GPR176: variants seen among roughly 807,000 people sequenced by gnomAD.
GPR176 encodes G protein-coupled receptor 176, also known as G-protein coupled receptor 176.
GPR176 carries 26 observed loss-of-function variants against 35.4 expected under a neutral mutation model. The observed-to-expected ratio is 0.74, with a 90% CI of 0.54 to 1.02. The LOEUF (loss-of-function observed/expected upper bound fraction) is 1.02. Among genes scored for constraint, GPR176 ranks in the 50% least tolerant of loss-of-function variants. GPR176 has a pLI of 0.00. For synonymous variants in GPR176, 278 were observed against 271.3 expected (o/e 1.02, Z -0.24); for missense variants, 597 against 665.3 (o/e 0.90, Z 1.13).
At chr15:39,824,122 C>T (rs1455415620) in intron 1 of GPR176, among the ~76,000 whole-genome samples, 1 of 152,166 alleles carries the variant, frequency 6.6e-6, no homozygotes, top group African/African-American at 2.4e-5. Flanking sequence ...AAGAGCCTGG[C>T]ACTTCCTTCT....
intron 1 of GPR176, among the ~76,000 whole-genome samples, chr15:39,811,921 A>C (rs1027855120): frequency 4.6e-5 from 7 of 152,122 alleles, no homozygotes; most frequent in African/African-American, 1.2e-4. Context: ...GTCTCAAAAA[A>C]AAAAAAAAAA....
At chr15:39,829,285 A>G (rs1459040473) in intron 1 of GPR176, 7 of 1,416,770 alleles carry the variant, frequency 4.9e-6, no homozygotes, top group Non-Finnish European at 5.5e-6. Flanking sequence ...TGGATCAGGG[A>G]AAGAACTTGG....
intron 1 of GPR176, chr15:39,813,206 A>G (rs949196805): frequency 4.6e-5 from 7 of 152,238 alleles, no homozygotes; most frequent in Non-Finnish European, 5.9e-5. Context: ...AATTAAAAAT[A>G]AGAAAAAATC....
intron 1 of GPR176, chr15:39,894,530 A>G (rs2033031415): frequency 1.2e-5 from 2 of 171,816 alleles, no homozygotes; most frequent in South Asian, 1.1e-4. Flanking sequence ...GATGCTCCTC[A>G]CCTCCCAGAC....
chr15:39,896,018 A>C (rs1015093050), intron 1 of GPR176, among the ~76,000 whole-genome samples: 27 of 152,212 alleles, frequency 1.8e-4, no homozygotes, highest in African/African-American at 6.0e-4. Flanking sequence ...TTGTAATTAA[A>C]GGAGATTCAT....
chr15:39,875,038 A>G (rs1460468790), intron 1 of GPR176, among the ~76,000 whole-genome samples: 1 of 152,312 alleles, frequency 6.6e-6, no homozygotes, highest in East Asian at 1.9e-4. Flanking sequence ...GCGAAACTCC[A>G]TCTCAAAAAC....
intron 1 of GPR176, among the ~76,000 whole-genome samples, chr15:39,834,062 T>C (rs1438985007): frequency 6.6e-6 from 1 of 152,202 alleles, no homozygotes; most frequent in African/African-American, 2.4e-5. Context: ...TCTCCGCAGA[T>C]ATTATAAGTG....
chr15:39,912,982 A>G (rs2033618693), intron 1 of GPR176, among the ~76,000 whole-genome samples: 1 of 152,232 alleles, frequency 6.6e-6, no homozygotes, highest in South Asian at 2.1e-4. Context: ...CTGAAAACAC[A>G]TGTCCACATA....
chr15:39,801,081 CTGGTGGGAA>C lies in GPR176; in HGVS notation c.*42_*50del. ...CACATGGCCACAGCATTCCCACACT[CTGGTGGGAA>C]TATGGAAGCTCCCCGTTGCTTCCAA... On this transcript the variant is annotated 3_prime_UTR_variant, in exon 3 of 3. Coordinates refer to ENST00000561100, the MANE Select transcript of GPR176 (RefSeq NM_007223.3). The C allele has an allele frequency of 6.9e-7, 1 of 1,458,078 alleles. No individual in the cohort carries two copies. Among genetic ancestry groups the C allele is most frequent in the Admixed American group, 2.0e-5 (1 of 51,064 alleles). 90.3% of individuals were successfully genotyped at this position (1,458,078 alleles called of 1,614,324 possible).
intron 1 of GPR176, among the ~76,000 whole-genome samples, chr15:39,894,216 A>T (rs2033003993): frequency 8.0e-6 from 1 of 125,658 alleles, no homozygotes. Flanking sequence ...GGCCGGGCAG[A>T]GGCGCCCCTC....
intron 1 of GPR176, among the ~76,000 whole-genome samples, chr15:39,842,500 G>A (rs936056575): frequency 1.3e-5 from 2 of 152,090 alleles, no homozygotes; most frequent in African/African-American, 4.8e-5. Context: ...AACCCAGTGT[G>A]AAGGTATTTG....
chr15:39,840,236 T>C (rs1901657054), intron 1 of GPR176, among the ~76,000 whole-genome samples: 1 of 152,172 alleles, frequency 6.6e-6, no homozygotes, highest in African/African-American at 2.4e-5. Flanking sequence ...CCAACCCAAA[T>C]GTCCATCAAT....
chr15:39,904,701 A>T (rs1239558516), intron 1 of GPR176, among the ~76,000 whole-genome samples: 1 of 152,204 alleles, frequency 6.6e-6, no homozygotes, highest in Non-Finnish European at 1.5e-5. Context: ...CTCAAAGAAG[A>T]GGCTACAGTG....
intron 1 of GPR176, among the ~76,000 whole-genome samples, chr15:39,885,312 T>A (rs2032633556): frequency 6.6e-6 from 1 of 152,170 alleles, no homozygotes; most frequent in South Asian, 2.1e-4. Flanking sequence ...CAATTCCACA[T>A]AAGAAATATA....
In GPR176 at chr15:39,883,223, T is replaced by C. The variant is rs866450264; in HGVS notation, c.172+36632A>G. Among the ~76,000 whole-genome samples, 9 of 152,170 alleles carry C rather than the reference T, an allele frequency of 5.9e-5. No individual in the cohort carries two copies. The South Asian group carries it at 1.5e-3, about 25-fold the overall frequency. ...TGCTATTCTTGACAGACTCTAATTA[T>C]AACGAAGTATTTTCTATTTTGGTAA... On this transcript the variant is annotated intron_variant, in intron 1 of 2. Coordinates refer to ENST00000561100, the MANE Select transcript of GPR176 (RefSeq NM_007223.3).
chr15:39,804,846 C>T (rs890740382), intron 2 of GPR176, among the ~76,000 whole-genome samples: 2 of 152,138 alleles, frequency 1.3e-5, no homozygotes, highest in African/African-American at 4.8e-5. Context: ...CAAAAGAACA[C>T]ACACTGTATG....
intron 1 of GPR176, among the ~76,000 whole-genome samples, chr15:39,840,057 C>T (rs1166731): frequency 0.38 from 57,282 of 151,988 alleles, 11,487 homozygotes; most frequent in African/African-American, 0.46. Flanking sequence ...GTTCAACCAT[C>T]GTGGAAGACA....
At chr15:39,911,821 C>T (rs997516003) in intron 1 of GPR176, among the ~76,000 whole-genome samples, 2 of 152,190 alleles carry the variant, frequency 1.3e-5, no homozygotes, top group African/African-American at 4.8e-5. Flanking sequence ...TAGAATCAAA[C>T]TTAAAAGATC....
chr15:39,807,146 C>T lies in GPR176; in HGVS notation c.285G>A (p.Val95=), dbSNP rs765119542. 2.5e-6 allele frequency: 4 copies of T among 1,613,882 alleles called. No homozygotes were observed. Among genetic ancestry groups the T allele is most frequent in the South Asian group, 2.2e-5 (2 of 91,074 alleles). Residue 95 remains valine (V), a synonymous_variant, in exon 2 of 3, where the codon GTG becomes GTA. Transcript: ENST00000561100. ...TGGTGCTGAGGATGATGTCGAAGGG[C>T]ACACAGACCAGGCTGGCACAAATCC... ...CSGICASLVC[V]PFDIILSTSP...
Sources: gnomAD v4.1 joint callset for allele counts (sites outside exome capture counted in the v4.1 genomes callset) on GRCh38, gnomAD v4.1.1 for gene constraint, MANE v1.5 for transcripts, NCBI Gene and HGNC (gene_info 2026-07-23, HGNC 2026-07-21) for gene names.